The following PCMTD1 variants were observed in gnomAD, a reference collection of about 807,000 sequenced individuals.
PCMTD1 encodes protein-L-isoaspartate (D-aspartate) O-methyltransferase domain containing 1.
Under a neutral mutation model 37.6 loss-of-function variants are expected in PCMTD1, and 12 were observed. The observed-to-expected ratio is 0.32, with a 90% CI of 0.20 to 0.52. PCMTD1 has a LOEUF of 0.52. PCMTD1 is among the 20% of genes least tolerant of loss of function. The pLI is 0.97. For synonymous variants in PCMTD1, 117 were observed against 135.8 expected, an observed-to-expected ratio of 0.86 and a Z score of 0.96; for missense variants, 235 against 421.3, an observed-to-expected ratio of 0.56 and a Z score of 3.87.
In PCMTD1 at chr8:51,861,266, A is replaced by G; in HGVS notation, c.-95-20T>C. The G allele has an allele frequency of 7.0e-7, 1 of 1,423,038 alleles. No individual in the cohort carries two copies. Among genetic ancestry groups the G allele is most frequent in the African/African-American group, 1.4e-5 (1 of 69,356 alleles). The allele number at this position is 1,423,038 out of a possible 1,614,324, so 88.2% of individuals were successfully genotyped here. Reference sequence around the variant, plus strand: ...TTAATCCTGGAAGGGAAGAACAAAAATAAACAGGTTTAAATTAATGCTCAA... The same window carrying G: ...TTAATCCTGGAAGGGAAGAACAAAAGTAAACAGGTTTAAATTAATGCTCAA... On this transcript the variant is annotated intron_variant, in intron 1 of 5. Coordinates refer to ENST00000522514, the MANE Select transcript of PCMTD1 (RefSeq NM_052937.4).
intron 5 of PCMTD1, among the ~76,000 whole-genome samples, chr8:51,821,399 C>T (rs1326999788): frequency 2.0e-5 from 3 of 152,208 alleles, no homozygotes; most frequent in Non-Finnish European, 4.4e-5. Flanking sequence ...TCTCAGCCTC[C>T]CCAAATATTG....
chr8:51,850,988 A>G (rs2038296872), intron 2 of PCMTD1, among the ~76,000 whole-genome samples: 1 of 152,208 alleles, frequency 6.6e-6, no homozygotes, highest in Admixed American at 6.5e-5. Flanking sequence ...AAAAGGAGGA[A>G]AGCAATCGGC....
intron 5 of PCMTD1, among the ~76,000 whole-genome samples, chr8:51,827,823 G>A (rs1376176419): frequency 4.0e-5 from 6 of 151,380 alleles, no homozygotes; most frequent in Non-Finnish European, 7.4e-5. Context: ...TTTAATTTAG[G>A]CTCCTCTCCA....
chr8:51,873,632 G>T (rs2038668587), intron 1 of PCMTD1, among the ~76,000 whole-genome samples: 1 of 152,084 alleles, frequency 6.6e-6, no homozygotes, highest in Admixed American at 6.5e-5. Context: ...GATCTCTCCT[G>T]TCTTGGTGCT....
intron 2 of PCMTD1, 162 bp downstream of exon 2, chr8:51,860,683 G>T (rs2038458963): frequency 9.8e-6 from 6 of 610,098 alleles, no homozygotes; most frequent in Non-Finnish European, 1.4e-5. Flanking sequence ...AATGAAAAAA[G>T]ATTACTACTA....
At chr8:51,871,261 G>A (rs1429071458) in intron 1 of PCMTD1, among the ~76,000 whole-genome samples, 2 of 152,202 alleles carry the variant, frequency 1.3e-5, no homozygotes, top group East Asian at 3.8e-4. Context: ...GTCAAGGACA[G>A]TACATACAGA....
chr8:51,885,700 A>G (rs1328788248), intron 1 of PCMTD1, among the ~76,000 whole-genome samples: 1 of 152,252 alleles, frequency 6.6e-6, no homozygotes, highest in Non-Finnish European at 1.5e-5. Flanking sequence ...ATTTTACAAT[A>G]AAGCAACAGT....
At chr8:51,883,636 CT>C (rs1411771505) in intron 1 of PCMTD1, among the ~76,000 whole-genome samples, 1 of 152,162 alleles carries the variant, frequency 6.6e-6, no homozygotes, top group Non-Finnish European at 1.5e-5. Flanking sequence ...GAAAGTCAAA[CT>C]GAAAACAACC....
At chr8:51,847,164 AAAAC>A (rs1192383877) in intron 2 of PCMTD1, among the ~76,000 whole-genome samples, 8 of 152,216 alleles carry the variant, frequency 5.3e-5, no homozygotes, top group Non-Finnish European at 1.0e-4. Flanking sequence ...TAAACTGAGT[AAAAC>A]TAAAATTTTT....
intron 2 of PCMTD1, chr8:51,850,131 G>A (rs2038283511): frequency 2.9e-6 from 2 of 701,092 alleles, no homozygotes; most frequent in Admixed American, 4.0e-5. Flanking sequence ...AGATGTCTTG[G>A]CTTCCAATCC....
intron 3 of PCMTD1, among the ~76,000 whole-genome samples, chr8:51,834,790 C>T (rs889255671): frequency 1.3e-5 from 2 of 152,068 alleles, no homozygotes; most frequent in African/African-American, 4.8e-5. Context: ...ACATCTATTT[C>T]CTAAAGAAGA....
intron 2 of PCMTD1, among the ~76,000 whole-genome samples, chr8:51,854,918 T>C (rs1159107725): frequency 6.7e-6 from 1 of 149,752 alleles, no homozygotes; most frequent in Non-Finnish European, 1.5e-5. Flanking sequence ...CTCACGCCTG[T>C]AATCCAAGCA....
At chr8:51,832,464 G>C (rs541354406) in intron 4 of PCMTD1, among the ~76,000 whole-genome samples, 2 of 152,234 alleles carry the variant, frequency 1.3e-5, no homozygotes, top group East Asian at 3.9e-4. Flanking sequence ...GTGATGTTAA[G>C]GGAACCCCAA....
intron 1 of PCMTD1, among the ~76,000 whole-genome samples, chr8:51,881,993 CTAA>C (rs2129292438): frequency 6.6e-6 from 1 of 152,324 alleles, no homozygotes; most frequent in South Asian, 2.1e-4. Flanking sequence ...TCAGATGCCA[CTAA>C]TGAGTCCCCC....
At chr8:51,874,285 T>C (rs2038681590) in intron 1 of PCMTD1, among the ~76,000 whole-genome samples, 1 of 152,184 alleles carries the variant, frequency 6.6e-6, no homozygotes. Flanking sequence ...ACCAAAATGT[T>C]TGTGAAAGCT....
intron 5 of PCMTD1, among the ~76,000 whole-genome samples, chr8:51,823,397 C>A (rs184525842): frequency 2.8e-4 from 43 of 152,156 alleles, no homozygotes; most frequent in Non-Finnish European, 5.0e-4. Context: ...CTGGCTAGGT[C>A]GAGGCTGCAC....
chr8:51,862,064 T>C (rs1231439628), intron 1 of PCMTD1, among the ~76,000 whole-genome samples: 1 of 151,666 alleles, frequency 6.6e-6, no homozygotes, highest in Non-Finnish European at 1.5e-5. Flanking sequence ...TACAGTATAG[T>C]ATAGTATAGT....
At chr8:51,866,081 T>A (rs1485046578) in intron 1 of PCMTD1, among the ~76,000 whole-genome samples, 4 of 149,952 alleles carry the variant, frequency 2.7e-5, no homozygotes, top group Non-Finnish European at 5.9e-5. Flanking sequence ...AAAAAAAAAA[T>A]ACCTAAAAGT....
intron 1 of PCMTD1, among the ~76,000 whole-genome samples, chr8:51,878,250 G>GTTTTTTTTTTTTTTTT (rs375362623): frequency 2.2e-5 from 3 of 139,162 alleles, no homozygotes; most frequent in Admixed American, 7.3e-5. Context: ...TTTTTTTTTG[G>GTTTTTTTTTTTTTTTT]TTTTTTTTTT....
Sources: allele counts gnomAD v4.1 joint callset (sites outside exome capture counted in the v4.1 genomes callset), GRCh38; gene constraint gnomAD v4.1.1; transcripts MANE v1.5; gene names NCBI Gene and HGNC (gene_info 2026-07-23, HGNC 2026-07-21).